ACSS3: variants seen among roughly 807,000 people sequenced by gnomAD.
ACSS3 encodes the protein acyl-CoA synthetase short-chain family member 3, mitochondrial.
A neutral mutation model predicts 84.2 loss-of-function variants in ACSS3; 64 were observed. The ratio of observed to expected loss-of-function variants is 0.76; its 90% CI spans 0.62 to 0.94. ACSS3 has a LOEUF of 0.94. Ranked by LOEUF, ACSS3 falls within the 40% of genes least tolerant of loss-of-function variation. The pLI, the probability that ACSS3 is intolerant of heterozygous loss-of-function variation, is 0.00. For synonymous variants in ACSS3, 317 were observed against 310.1 expected, an observed-to-expected ratio of 1.02 and a Z score of -0.23; for missense variants, 815 against 867.6, an observed-to-expected ratio of 0.94 and a Z score of 0.76.
intron 13 of ACSS3, among the ~76,000 whole-genome samples, chr12:81,241,967 T>G (rs1440372380): frequency 3.3e-4 from 50 of 152,298 alleles, no homozygotes; most frequent in African/African-American, 1.2e-3. Flanking sequence ...TTTATGGTTT[T>G]AGGTCTAACG....
intron 7 of ACSS3, among the ~76,000 whole-genome samples, chr12:81,153,174 G>A (rs970736930): frequency 2.6e-5 from 4 of 152,124 alleles, no homozygotes; most frequent in Admixed American, 1.3e-4. Flanking sequence ...TTGGGAGGCC[G>A]AGGCAGGTGG....
chr12:81,172,824 TA>T (rs1718656232), intron 7 of ACSS3, among the ~76,000 whole-genome samples: 1 of 152,220 alleles, frequency 6.6e-6, no homozygotes, highest in South Asian at 2.1e-4. Flanking sequence ...TTAATTATGA[TA>T]TTAATATCAC....
At chr12:81,244,662 C>A (rs948553309) in intron 13 of ACSS3, among the ~76,000 whole-genome samples, 1 of 152,080 alleles carries the variant, frequency 6.6e-6, no homozygotes, top group Non-Finnish European at 1.5e-5. Flanking sequence ...ACAAATAAGT[C>A]CATCAGAGAC....
intron 5 of ACSS3, among the ~76,000 whole-genome samples, chr12:81,150,420 G>A (rs577628317): frequency 5.3e-5 from 8 of 152,258 alleles, no homozygotes; most frequent in African/African-American, 1.7e-4. Context: ...TGAGCCATAG[G>A]AAAAGATCTT....
At chr12:81,107,504 A>ATG (rs1883128668) in intron 1 of ACSS3, among the ~76,000 whole-genome samples, 1 of 32,224 alleles carries the variant, frequency 3.1e-5, no homozygotes, top group Non-Finnish European at 8.0e-5. Flanking sequence ...TCAGGTACAA[A>ATG]TATATACATA....
At chr12:81,085,958 G>A (rs936685148) in intron 1 of ACSS3, among the ~76,000 whole-genome samples, 6 of 152,040 alleles carry the variant, frequency 3.9e-5, no homozygotes, top group African/African-American at 9.7e-5. Flanking sequence ...TCTTGTAATC[G>A]CAAATTTTCT....
intron 2 of ACSS3, among the ~76,000 whole-genome samples, chr12:81,133,404 C>G (rs1053915660): frequency 1.3e-5 from 2 of 152,140 alleles, no homozygotes; most frequent in Admixed American, 6.6e-5. Context: ...CCCTTTGGCT[C>G]CCTGACCTGA....
At chr12:81,126,703 T>A (rs1794380687) in intron 2 of ACSS3, among the ~76,000 whole-genome samples, 1 of 152,192 alleles carries the variant, frequency 6.6e-6, no homozygotes, top group African/African-American at 2.4e-5. Context: ...AAGCAAAGAT[T>A]ATTGAAATAC....
chr12:81,241,575 T>G (rs2033805593), intron 13 of ACSS3, among the ~76,000 whole-genome samples: 1 of 152,240 alleles, frequency 6.6e-6, no homozygotes, highest in African/African-American at 2.4e-5. Context: ...TTTGCATTTC[T>G]CTGATGGCCA....
At chr12:81,203,390 G>C (rs1438725426) in intron 9 of ACSS3, among the ~76,000 whole-genome samples, 1 of 152,110 alleles carries the variant, frequency 6.6e-6, no homozygotes, top group Non-Finnish European at 1.5e-5. Flanking sequence ...TGCTTTACCA[G>C]ATTGCTAGGT....
At chr12:81,093,011 A>C (rs1881767672) in intron 1 of ACSS3, among the ~76,000 whole-genome samples, 1 of 104,180 alleles carries the variant, frequency 9.6e-6, no homozygotes, top group Non-Finnish European at 1.8e-5. Context: ...CTGTGTGTTT[A>C]AGGTTTTTTT....
intron 7 of ACSS3, among the ~76,000 whole-genome samples, chr12:81,169,439 G>GA (rs1345960098): frequency 6.6e-6 from 1 of 152,056 alleles, no homozygotes; most frequent in Admixed American, 6.5e-5. Context: ...CATTGAGAAA[G>GA]AAAAGGCCCA....
At chr12:81,186,789 A>C (rs1313256410) in intron 8 of ACSS3, among the ~76,000 whole-genome samples, 1 of 151,866 alleles carries the variant, frequency 6.6e-6, no homozygotes, top group Non-Finnish European at 1.5e-5. Context: ...CATTTTAGAA[A>C]ACAGTATGGA....
chr12:81,114,328 T>C (rs1256547557), intron 2 of ACSS3, among the ~76,000 whole-genome samples: 1 of 152,162 alleles, frequency 6.6e-6, no homozygotes, highest in Non-Finnish European at 1.5e-5. Context: ...AAAATTATTC[T>C]GAAATCAAGG....
chr12:81,157,808 A>G (rs1886954039), intron 7 of ACSS3, among the ~76,000 whole-genome samples: 1 of 152,146 alleles, frequency 6.6e-6, no homozygotes, highest in African/African-American at 2.4e-5. Flanking sequence ...CTCCCTCTCA[A>G]AAAATAAATA....
At chr12:81,222,239 CAGT>C (rs768265085) in intron 11 of ACSS3, among the ~76,000 whole-genome samples, 8 of 151,890 alleles carry the variant, frequency 5.3e-5, no homozygotes, top group Non-Finnish European at 8.8e-5. Flanking sequence ...TTATGACAAA[CAGT>C]AGAATTTGAT....
At chr12:81,219,387 C>T (rs2033027889) in intron 10 of ACSS3, among the ~76,000 whole-genome samples, 1 of 152,106 alleles carries the variant, frequency 6.6e-6, no homozygotes, top group African/African-American at 2.4e-5. Context: ...AATGAGGCCA[C>T]ATAAATAATC....
At chr12:81,124,937 G>A (rs116236195) in intron 2 of ACSS3, among the ~76,000 whole-genome samples, 2,865 of 152,244 alleles carry the variant, frequency 0.019, 55 homozygotes, top group African/African-American at 0.044. Context: ...TAAATTGTCC[G>A]GGCTTGGTGG....
intron 7 of ACSS3, among the ~76,000 whole-genome samples, chr12:81,162,836 C>T (rs1367001350): frequency 6.6e-6 from 1 of 152,178 alleles, no homozygotes; most frequent in African/African-American, 2.4e-5. Context: ...GGCATGTTTG[C>T]AGTGCCCTGA....
Sources: gnomAD v4.1 joint callset for allele counts (sites outside exome capture counted in the v4.1 genomes callset) on GRCh38, gnomAD v4.1.1 for gene constraint, MANE v1.5 for transcripts, NCBI Gene and HGNC (gene_info 2026-07-23, HGNC 2026-07-21) for gene names.